Variants in IL1RAPL2 observed in about 807,000 individuals in gnomAD.
IL1RAPL2 encodes the protein interleukin 1 receptor accessory protein like 2.
Under a neutral mutation model 44.1 loss-of-function variants are expected in IL1RAPL2, and 3 were observed. The observed-to-expected ratio is 0.07, with a 90% CI of 0.03 to 0.18. The LOEUF is 0.18. IL1RAPL2 is among the 10% of genes least tolerant of loss of function. The probability of loss-of-function intolerance (pLI) is 1.00; values close to 1 mark genes in which losing one functional copy is unlikely to be tolerated. For synonymous variants in IL1RAPL2, 181 were observed against 178.8 expected (o/e 1.01, Z -0.10); for missense variants, 391 against 496.4 (o/e 0.79, Z 2.02).
chrX:104,588,093 G>C (rs1047030490), intron 1 of IL1RAPL2, among the ~76,000 whole-genome samples: 1 of 111,708 alleles, frequency 9.0e-6, no homozygotes, highest in African/African-American at 3.3e-5. Context: ...CCCATGCTGC[G>C]TATCACCTGC....
chrX:104,901,758 A>G (rs994693340), intron 2 of IL1RAPL2, among the ~76,000 whole-genome samples: 1 of 111,759 alleles, frequency 8.9e-6, no homozygotes, highest in Non-Finnish European at 1.9e-5. Context: ...AGGCAAGTAA[A>G]TAAACCTCTA....
chrX:104,734,801 T>C (rs1931984937), intron 2 of IL1RAPL2, among the ~76,000 whole-genome samples: 1 of 111,546 alleles, frequency 9.0e-6, no homozygotes, highest in African/African-American at 3.2e-5. Flanking sequence ...TAAAATAAAA[T>C]TTAAAAATTT....
intron 2 of IL1RAPL2, among the ~76,000 whole-genome samples, chrX:105,155,162 C>G (rs745409274): frequency 1.3e-4 from 15 of 111,377 alleles, no homozygotes; most frequent in African/African-American, 4.9e-4. Flanking sequence ...GTGCTTACCC[C>G]CTAGTGTCTT....
intron 5 of IL1RAPL2, among the ~76,000 whole-genome samples, chrX:105,294,786 T>G (rs368340949): frequency 1.8e-5 from 2 of 111,937 alleles, no homozygotes; most frequent in African/African-American, 6.5e-5. Flanking sequence ...TCAGGCACTA[T>G]TCTAGGTCCT....
intron 5 of IL1RAPL2, among the ~76,000 whole-genome samples, chrX:105,453,071 A>G (rs1486530885): frequency 1.8e-5 from 2 of 112,206 alleles, no homozygotes; most frequent in Non-Finnish European, 3.8e-5. Flanking sequence ...AGTAACACTG[A>G]GATATTCAAT....
intron 2 of IL1RAPL2, among the ~76,000 whole-genome samples, chrX:104,985,961 A>T (rs2030553612): frequency 8.9e-6 from 1 of 112,117 alleles, no homozygotes; most frequent in Non-Finnish European, 1.9e-5. Context: ...TAGTCTTACA[A>T]ATTCAAGCCA....
chrX:105,175,670 G>A (rs2033465570), intron 2 of IL1RAPL2, among the ~76,000 whole-genome samples: 1 of 110,275 alleles, frequency 9.1e-6, no homozygotes, highest in African/African-American at 3.3e-5. Context: ...AGTTACTATG[G>A]TTTTTTTTAA....
chrX:104,572,865 G>A (rs1928172895), intron 1 of IL1RAPL2, among the ~76,000 whole-genome samples: 1 of 112,325 alleles, frequency 8.9e-6, no homozygotes, highest in South Asian at 3.7e-4. Flanking sequence ...GCTTCCCAAA[G>A]TGCCGCGGTT....
chrX:105,147,664 T>G (rs935440673), intron 2 of IL1RAPL2, among the ~76,000 whole-genome samples: 3 of 112,020 alleles, frequency 2.7e-5, no homozygotes, highest in Non-Finnish European at 3.8e-5. Context: ...TATCAAAACT[T>G]CATTCCTTTT....
intron 2 of IL1RAPL2, among the ~76,000 whole-genome samples, chrX:104,807,897 T>C (rs1213622999): frequency 2.7e-5 from 3 of 111,973 alleles, no homozygotes; most frequent in Admixed American, 9.5e-5. Flanking sequence ...ACAGCACTTA[T>C]GTGTTAATTC....
intron 3 of IL1RAPL2, among the ~76,000 whole-genome samples, chrX:105,209,496 C>T (rs781975003): frequency 9.0e-6 from 1 of 111,085 alleles, no homozygotes; most frequent in Admixed American, 9.6e-5. Flanking sequence ...GGCATTGGTC[C>T]CCATGAAATA....
intron 2 of IL1RAPL2, among the ~76,000 whole-genome samples, chrX:104,794,921 G>T (rs1259799076): frequency 9.0e-6 from 1 of 111,653 alleles, no homozygotes; most frequent in African/African-American, 3.3e-5. Context: ...CAGGTTTTCA[G>T]CATATACAAT....
chrX:105,589,509 G>T (rs753337855), intron 6 of IL1RAPL2, among the ~76,000 whole-genome samples: 1 of 111,187 alleles, frequency 9.0e-6, no homozygotes, highest in Admixed American at 9.6e-5. Flanking sequence ...CGTAGTTTTG[G>T]GTTTTATATT....
At chrX:104,770,455 T>C (rs1004601857) in intron 2 of IL1RAPL2, among the ~76,000 whole-genome samples, 2 of 111,804 alleles carry the variant, frequency 1.8e-5, no homozygotes, top group Admixed American at 9.6e-5. Flanking sequence ...CCCATCATCA[T>C]CATAGCAACT....
At chrX:105,107,942 A>G (rs1282535779) in intron 2 of IL1RAPL2, among the ~76,000 whole-genome samples, 1 of 111,426 alleles carries the variant, frequency 9.0e-6, no homozygotes, top group African/African-American at 3.3e-5. Context: ...TCTGTAACAC[A>G]CTATCCTGAT....
chrX:104,856,375 A>G (rs762739794), intron 2 of IL1RAPL2, among the ~76,000 whole-genome samples: 2 of 112,246 alleles, frequency 1.8e-5, no homozygotes, highest in Non-Finnish European at 3.8e-5. Context: ...TCAGCAAGAC[A>G]ATATTCACAT....
chrX:105,412,542 CAG>C (rs1467316166), intron 5 of IL1RAPL2, among the ~76,000 whole-genome samples: 2 of 109,969 alleles, frequency 1.8e-5, no homozygotes, highest in Non-Finnish European at 3.8e-5. Context: ...ATAAGGGAAA[CAG>C]AGACTGAGGC....
intron 7 of IL1RAPL2, among the ~76,000 whole-genome samples, chrX:105,719,910 G>T (rs2038288372): frequency 9.0e-6 from 1 of 111,281 alleles, no homozygotes; most frequent in South Asian, 3.7e-4. Context: ...ATATTTATTT[G>T]AAATCAATAC....
chrX:105,268,695 G>T (rs1343384937), intron 5 of IL1RAPL2, among the ~76,000 whole-genome samples: 1 of 111,209 alleles, frequency 9.0e-6, no homozygotes, highest in East Asian at 2.8e-4. Context: ...CTTGACACAG[G>T]AGGCAGAGTT....
Sources: allele counts gnomAD v4.1 joint callset (sites outside exome capture counted in the v4.1 genomes callset), GRCh38; gene constraint gnomAD v4.1.1; transcripts MANE v1.5; gene names NCBI Gene and HGNC (gene_info 2026-07-23, HGNC 2026-07-21).